AHCTF1: variants seen among roughly 807,000 people sequenced by gnomAD.
AHCTF1 encodes the protein protein ELYS.
Under a neutral mutation model 248.4 loss-of-function variants are expected in AHCTF1, and 24 were observed. The observed-to-expected ratio is 0.10, with a 90% CI of 0.07 to 0.14. AHCTF1 has a LOEUF of 0.14. AHCTF1 is among the 10% of genes least tolerant of loss of function. The pLI is 1.00. For missense variants in AHCTF1, 2,206 were observed against 2,636.2 expected (o/e 0.84, Z 3.57); for synonymous variants, 786 against 929.8 (o/e 0.85, Z 2.81).
intron 31 of AHCTF1, among the ~76,000 whole-genome samples, chr1:246,854,135 TAAAAATACAAA>T (rs1284654900): frequency 6.6e-6 from 1 of 151,830 alleles, no homozygotes; most frequent in Non-Finnish European, 1.5e-5. Flanking sequence ...CTGTCTCCAC[TAAAAATACAAA>T]AAATTAGCCA....
chr1:246,929,646 TAG>T (rs1485345399), intron 1 of AHCTF1, among the ~76,000 whole-genome samples: 1 of 152,204 alleles, frequency 6.6e-6, no homozygotes, highest in Non-Finnish European at 1.5e-5. Context: ...ATACTTATTG[TAG>T]AGACCTTTGA....
At chr1:246,926,245 C>A (rs1054675050) in intron 1 of AHCTF1, among the ~76,000 whole-genome samples, 1 of 152,104 alleles carries the variant, frequency 6.6e-6, no homozygotes, top group African/African-American at 2.4e-5. Context: ...CATAAATTAT[C>A]CAGTTTCACA....
chr1:246,857,833 A>G lies in AHCTF1; in HGVS notation c.4133-19T>C. The G allele has an allele frequency of 6.3e-7, 1 of 1,586,746 alleles. No homozygotes were observed. The highest frequency in any genetic ancestry group is 8.6e-7 in the Non-Finnish European group (1 of 1,161,294). ...AAATTGCCTATAAGTCATACAAATA[A>G]GAATATTATTTATGCTAAATATTTA... On this transcript the variant is annotated intron_variant, in intron 29 of 35. Coordinates refer to ENST00000648844, the MANE Select transcript of AHCTF1 (RefSeq NM_001323342.2).
chr1:246,892,786 C>T (rs925121739), intron 14 of AHCTF1, among the ~76,000 whole-genome samples: 22 of 149,464 alleles, frequency 1.5e-4, no homozygotes, highest in Admixed American at 1.1e-3. Flanking sequence ...CATGTGCCAC[C>T]CTGCCCAGCT....
intron 1 of AHCTF1, among the ~76,000 whole-genome samples, chr1:246,923,104 A>G (rs2103246995): frequency 7.5e-6 from 1 of 133,350 alleles, no homozygotes; most frequent in African/African-American, 3.1e-5. Flanking sequence ...TAATCAAATA[A>G]TACCAAAAAA....
Position 246,904,124 on chromosome 1 carries a change from G to A in AHCTF1, c.882-91C>T. ...GTAAGTTTAGTTTGCTTGCAATGTT[G>A]AGTGCATGTGACAAAACTAAAATCA... On this transcript the variant is annotated intron_variant, in intron 6 of 35. Transcript: ENST00000648844. 2.9e-6 allele frequency: 3 copies of A among 1,052,300 alleles called. No individual in the cohort carries two copies. In the South Asian group the frequency reaches 4.3e-5, roughly 15 times the overall value. 65.2% of individuals were successfully genotyped at this position (1,052,300 alleles called of 1,614,324 possible).
intron 1 of AHCTF1, among the ~76,000 whole-genome samples, chr1:246,923,513 GATAAA>G (rs1229285064): frequency 1.3e-5 from 2 of 152,168 alleles, no homozygotes; most frequent in Non-Finnish European, 2.9e-5. Flanking sequence ...CAACAAAACA[GATAAA>G]ATAATCTAGA....
chr1:246,912,472 A>G (rs1333219838), intron 4 of AHCTF1, among the ~76,000 whole-genome samples: 1 of 150,408 alleles, frequency 6.6e-6, no homozygotes, highest in African/African-American at 2.5e-5. Flanking sequence ...ACAGAGCGAG[A>G]CGCCGTCTCC....
In AHCTF1 at chr1:246,891,016, AGAT is replaced by A. The variant is rs1378775101; in HGVS notation, c.1987_1989del (p.Ile663del). The A allele has an allele frequency of 6.4e-7, 1 of 1,562,990 alleles. No individual in the cohort carries two copies. The highest frequency in any genetic ancestry group is 8.6e-7 in the Non-Finnish European group (1 of 1,160,774). ...CAAAGAACCACTTGTGCATACTGACAGATGAGGTGGGAAACCACAAACTTATTG... is the reference window on the plus strand; with the variant it reads ...CAAAGAACCACTTGTGCATACTGACAGAGGTGGGAAACCACAAACTTATTG... On this transcript the variant is annotated inframe_deletion, in exon 16 of 36. Transcript: ENST00000648844.
At chr1:246,891,210 A>T (rs1664187938) in intron 15 of AHCTF1, 150 bp from the exon 16 acceptor site, 1 of 490,296 alleles carries the variant, frequency 2.0e-6, no homozygotes. Flanking sequence ...TCTCTCTTGA[A>T]CTAATTCATC....
intron 2 of AHCTF1, among the ~76,000 whole-genome samples, chr1:246,916,609 A>G (rs1408604201): frequency 6.6e-6 from 1 of 152,192 alleles, no homozygotes; most frequent in East Asian, 1.9e-4. Flanking sequence ...AGCCGAGATC[A>G]TGCCACTGCA....
chr1:246,915,347 C>T (rs1330709385), intron 3 of AHCTF1, among the ~76,000 whole-genome samples: 1 of 151,900 alleles, frequency 6.6e-6, no homozygotes, highest in Non-Finnish European at 1.5e-5. Flanking sequence ...AAAAAAATTA[C>T]TTCACCGTTG....
At chr1:246,888,984 A>G (rs1664019494) in intron 17 of AHCTF1, among the ~76,000 whole-genome samples, 1 of 152,228 alleles carries the variant, frequency 6.6e-6, no homozygotes, top group African/African-American at 2.4e-5. Context: ...AGTTAGTCGG[A>G]TAAGCCCTTA....
intron 31 of AHCTF1, among the ~76,000 whole-genome samples, chr1:246,854,924 A>G (rs926406486): frequency 6.6e-6 from 1 of 151,186 alleles, no homozygotes; most frequent in African/African-American, 2.4e-5. Context: ...AGACACTTTA[A>G]ATGGTTAATT....
intron 16 of AHCTF1, 63 bp from the exon 17 acceptor site, chr1:246,890,122 T>C: frequency 1.7e-6 from 2 of 1,157,342 alleles, no homozygotes; most frequent in Non-Finnish European, 2.5e-6. Context: ...ACAATACATA[T>C]TAATATTTTA....
intron 21 of AHCTF1, among the ~76,000 whole-genome samples, chr1:246,882,800 G>A (rs113069655): frequency 7.9e-4 from 121 of 152,290 alleles, no homozygotes; most frequent in African/African-American, 2.6e-3. Context: ...AAACAGCCAC[G>A]CCACAGTTGT....
intron 4 of AHCTF1, among the ~76,000 whole-genome samples, chr1:246,911,354 TTCA>T (rs965970758): frequency 3.3e-5 from 5 of 152,230 alleles, no homozygotes; most frequent in Non-Finnish European, 4.4e-5. Context: ...AATCTATAAA[TTCA>T]TTTTTAGTTA....
intron 1 of AHCTF1, among the ~76,000 whole-genome samples, chr1:246,928,457 A>T (rs1217023440): frequency 6.6e-6 from 1 of 152,176 alleles, no homozygotes; most frequent in African/African-American, 2.4e-5. Context: ...ATAAATTAGG[A>T]TAACAGGATA....
rs1217740518 is a variant in AHCTF1 at position 246,840,416 on chromosome 1, T to C, written c.*390A>G. 1 of 153,034 alleles carries C rather than the reference T, an allele frequency of 6.5e-6. No individual in the cohort carries two copies. Among genetic ancestry groups the C allele is most frequent in the African/African-American group, 2.4e-5 (1 of 41,468 alleles). 9.5% of individuals were successfully genotyped at this position (153,034 alleles called of 1,614,324 possible). A position where few individuals can be genotyped will look rare whatever the true frequency, so the allele number is the denominator to read the frequency against. The stretch of plus-strand genomic sequence containing the variant: ...TAGTAACTGTAAAAAGAAATATCAA[T>C]ACTTCAATCATCCCCATTTTAAGAC... On this transcript the variant is annotated 3_prime_UTR_variant, in exon 36 of 36. Coordinates refer to ENST00000648844, the MANE Select transcript of AHCTF1 (RefSeq NM_001323342.2).
Sources: gnomAD v4.1 joint callset for allele counts (sites outside exome capture counted in the v4.1 genomes callset) on GRCh38, gnomAD v4.1.1 for gene constraint, MANE v1.5 for transcripts, NCBI Gene and HGNC (gene_info 2026-07-23, HGNC 2026-07-21) for gene names.